PKD1L1: variants seen among roughly 807,000 people sequenced by gnomAD.
The protein encoded by PKD1L1 is polycystin-1-like protein 1.
PKD1L1 carries 236 observed loss-of-function variants against 323.4 expected under a neutral mutation model. The observed-to-expected ratio is 0.73, with a 90% CI of 0.66 to 0.81. The LOEUF is 0.81. PKD1L1 is among the 40% of genes least tolerant of loss of function. The probability of loss-of-function intolerance (pLI) is 0.00; values close to 1 mark genes in which losing one functional copy is unlikely to be tolerated. For synonymous variants in PKD1L1, 1,344 were observed against 1,335.0 expected (o/e 1.01, Z -0.15); for missense variants, 3,320 against 3,508.0 (o/e 0.95, Z 1.35).
chr7:47,812,336 A>C (rs1784919079), intron 49 of PKD1L1, among the ~76,000 whole-genome samples: 1 of 151,974 alleles, frequency 6.6e-6, no homozygotes, highest in Non-Finnish European at 1.5e-5. Context: ...TTCCCACCCC[A>C]ACCCATGTGA....
intron 49 of PKD1L1, among the ~76,000 whole-genome samples, chr7:47,812,662 G>C (rs1307537696): frequency 6.6e-6 from 1 of 152,146 alleles, no homozygotes; most frequent in East Asian, 1.9e-4. Context: ...TGACTGGCTG[G>C]ATGGGGCAGG....
intron 14 of PKD1L1, 106 bp from the exon 15 acceptor site, chr7:47,894,165 C>T (rs887914919): frequency 9.8e-6 from 10 of 1,016,232 alleles, no homozygotes; most frequent in Admixed American, 8.4e-5. Context: ...CGAGTCTCAA[C>T]GCATCCCTGG....
chr7:47,904,354 C>G, intron 12 of PKD1L1, 24 bp downstream of exon 12: 1 of 1,613,606 alleles, frequency 6.2e-7, no homozygotes, highest in South Asian at 1.1e-5. Flanking sequence ...GTAGAGAGCA[C>G]TCCGCCGCCT....
In PKD1L1 at chr7:47,940,372, G is replaced by A. The variant is rs946318675; in HGVS notation, c.161-55C>T. 5.1e-6 allele frequency: 8 copies of A among 1,570,530 alleles called. No homozygotes were observed. In the African/African-American group the frequency reaches 1.1e-4, roughly 21 times the overall value. ...GAAGACTGCAATGTGCTGGGAAGGT[G>A]AGAACATAAAGCTGGAGAAGCCCTA... On this transcript the variant is annotated intron_variant, in intron 2 of 56. Coordinates refer to ENST00000289672, the MANE Select transcript of PKD1L1 (RefSeq NM_138295.5).
chr7:47,943,159 AAAAAAT>A (rs1378154892), intron 2 of PKD1L1, among the ~76,000 whole-genome samples: 4 of 73,742 alleles, frequency 5.4e-5, no homozygotes, highest in East Asian at 4.9e-4. Context: ...AAAAAAAAAA[AAAAAAT>A]ATATATATAT....
intron 42 of PKD1L1, among the ~76,000 whole-genome samples, chr7:47,830,563 T>C (rs1266317034): frequency 6.6e-6 from 1 of 152,180 alleles, no homozygotes; most frequent in East Asian, 1.9e-4. Flanking sequence ...CTCTCTGATG[T>C]TCCTATTTTA....
chr7:47,836,881 G>A (rs369074404), intron 37 of PKD1L1, 40 bp downstream of exon 37: 43 of 1,592,358 alleles, frequency 2.7e-5, no homozygotes, highest in South Asian at 1.0e-4. Context: ...CAGTGTAGTC[G>A]GATCTGGAAG....
At chr7:47,781,621 G>C (rs186444351) in intron 56 of PKD1L1, among the ~76,000 whole-genome samples, 1 of 151,778 alleles carries the variant, frequency 6.6e-6, no homozygotes, top group Non-Finnish European at 1.5e-5. Context: ...GTGTTAGCCA[G>C]GATGGTCTCG....
intron 23 of PKD1L1, 115 bp from the exon 24 acceptor site, chr7:47,874,125 G>T: frequency 1.5e-6 from 1 of 673,254 alleles, no homozygotes. Flanking sequence ...TGCTGACAAA[G>T]GGGCCAGGCT....
At chr7:47,787,162 G>A (rs1786826760) in intron 56 of PKD1L1, among the ~76,000 whole-genome samples, 1 of 152,164 alleles carries the variant, frequency 6.6e-6, no homozygotes, top group Admixed American at 6.5e-5. Context: ...GTAAAGTCCA[G>A]CTTGCTTGGC....
upstream of PKD1L1, among the ~76,000 whole-genome samples, chr7:47,949,031 A>G (rs1004478803): frequency 6.6e-5 from 10 of 152,180 alleles, no homozygotes; most frequent in African/African-American, 2.4e-4. Flanking sequence ...TCACTACTCA[A>G]GGGAGAGACT....
chr7:47,831,944 G>A (rs1341412408), intron 41 of PKD1L1, among the ~76,000 whole-genome samples: 1 of 152,178 alleles, frequency 6.6e-6, no homozygotes, highest in Non-Finnish European at 1.5e-5. Flanking sequence ...TTCCCTCTCT[G>A]CTGTGTGATT....
chr7:47,950,393 A>G (rs529205171), upstream of PKD1L1, among the ~76,000 whole-genome samples: 235 of 152,334 alleles, frequency 1.5e-3, no homozygotes, highest in African/African-American at 5.2e-3. Context: ...AGGAGCAAAG[A>G]AAGTGACATA....
intron 19 of PKD1L1, among the ~76,000 whole-genome samples, chr7:47,883,301 T>C (rs1025445720): frequency 1.3e-5 from 2 of 152,192 alleles, no homozygotes; most frequent in African/African-American, 4.8e-5. Flanking sequence ...CAGCCTGCAA[T>C]GTGTCTTTGA....
intron 31 of PKD1L1, among the ~76,000 whole-genome samples, chr7:47,851,670 G>A (rs1785785404): frequency 6.6e-6 from 1 of 152,140 alleles, no homozygotes; most frequent in Non-Finnish European, 1.5e-5. Context: ...TGGAGAGATT[G>A]GAGGTTCTTT....
chr7:47,842,998 G>A lies in PKD1L1; in HGVS notation c.5409C>T (p.Asp1803=), dbSNP rs1164459110. The change falls in exon 34 of 57, where the codon GAC becomes GAT. Residue 1803 remains aspartate (D), a synonymous_variant. Coordinates refer to ENST00000289672, the MANE Select transcript of PKD1L1 (RefSeq NM_138295.5). ...ACCTGGCCGGAGCTCGGAAGCCAGTGTCAATGACGACCGCATATAGCTGAT... is the reference window on the plus strand; with the variant it reads ...ACCTGGCCGGAGCTCGGAAGCCAGTATCAATGACGACCGCATATAGCTGAT... The part of the protein sequence containing the change: ...PGHQLYAVVI[D]TGFRAPARLT... 17 of 1,613,732 alleles carry A rather than the reference G, an allele frequency of 1.1e-5. No individual in the cohort carries two copies. The highest frequency in any genetic ancestry group is 1.3e-5 in the Non-Finnish European group (15 of 1,179,866).
rs562491848 is a variant in PKD1L1, at chr7:47,933,251, C to T, written c.399-1195G>A. On this transcript the variant is annotated intron_variant, in intron 4 of 56. Transcript: ENST00000289672. ...CCAAGTAGCCAAAAAATGCCATTCA[C>T]CTTATAGTTCAACAATGTATAGCCA... Among the ~76,000 whole-genome samples the T allele has an allele frequency of 2.6e-5, 4 of 152,256 alleles. No individual in the cohort carries two copies. In the South Asian group the frequency reaches 8.3e-4, roughly 32 times the overall value.
intron 44 of PKD1L1, among the ~76,000 whole-genome samples, chr7:47,828,480 G>C (rs1407606339): frequency 6.6e-6 from 1 of 152,070 alleles, no homozygotes; most frequent in Non-Finnish European, 1.5e-5. Context: ...GGGGGGTGCA[G>C]GAGGAAAGGG....
At chr7:47,791,462 ATTTTT>A (rs10590668) in intron 56 of PKD1L1, among the ~76,000 whole-genome samples, 1 of 145,598 alleles carries the variant, frequency 6.9e-6, no homozygotes. Context: ...TCAAAGAGAC[ATTTTT>A]TTTTTTTTTT....
Sources: gnomAD v4.1 joint callset for allele counts (sites outside exome capture counted in the v4.1 genomes callset) on GRCh38, gnomAD v4.1.1 for gene constraint, MANE v1.5 for transcripts, NCBI Gene and HGNC (gene_info 2026-07-23, HGNC 2026-07-21) for gene names.